DGKI: variants seen among roughly 807,000 people sequenced by gnomAD.
DGKI encodes the protein diacylglycerol kinase iota, also known as DAG kinase iota.
In DGKI, 55 loss-of-function variants were observed where a neutral mutation model predicts 147.5. That is an observed-to-expected ratio of 0.37 (90% CI 0.30 to 0.47). The LOEUF (loss-of-function observed/expected upper bound fraction) is 0.47. DGKI is among the 20% of genes least tolerant of loss of function. The probability of loss-of-function intolerance (pLI) is 1.00; values close to 1 mark genes in which losing one functional copy is unlikely to be tolerated. For missense variants in DGKI, 1,007 were observed against 1,323.8 expected (o/e 0.76, Z 3.71); for synonymous variants, 469 against 477.1 (o/e 0.98, Z 0.22).
At chr7:137,726,697 G>A (rs1293809867) in intron 1 of DGKI, among the ~76,000 whole-genome samples, 1 of 152,150 alleles carries the variant, frequency 6.6e-6, no homozygotes, top group East Asian at 1.9e-4. Context: ...TCATGGAGAC[G>A]TCAGCCAAGA....
intron 11 of DGKI, 98 bp from the exon 12 acceptor site, chr7:137,598,005 C>T (rs990037655): frequency 3.9e-6 from 4 of 1,030,500 alleles, no homozygotes; most frequent in Admixed American, 2.0e-5. Context: ...GGGTGGTGTC[C>T]GCTGGAGAAA....
At position 137,760,965 on chromosome 7, in the gene DGKI, A is replaced by C. The variant is rs188754584; in HGVS notation, c.402-70963T>G. On this transcript the variant is annotated intron_variant, in intron 1 of 32. Transcript: ENST00000614521. ...CCTTAGAGATCTTAATTCAACCAAA[A>C]TTTCCTCTCTTGAATCTTAAACCAA... Among the ~76,000 whole-genome samples, 10 of 151,956 alleles carry C rather than the reference A, an allele frequency of 6.6e-5. No individual in the cohort carries two copies. In the East Asian group the frequency reaches 1.7e-3, roughly 26 times the overall value.
chr7:137,497,237 A>G (rs1030953684), intron 21 of DGKI, among the ~76,000 whole-genome samples: 1 of 152,174 alleles, frequency 6.6e-6, no homozygotes, highest in Non-Finnish European at 1.5e-5. Flanking sequence ...CAAAACCACA[A>G]TGAGATGCCA....
chr7:137,545,913 C>CG (rs770655121), intron 20 of DGKI: 132 of 702,216 alleles, frequency 1.9e-4, no homozygotes, highest in African/African-American at 3.5e-5. Flanking sequence ...GTGAAGGAGC[C>CG]GGGGGGAGCA....
rs77339658 is a variant in DGKI at position 137,499,020 on chromosome 7, A to G, written c.2249-11331T>C. Among the ~76,000 whole-genome samples the G allele has an allele frequency of 3.0e-4, 45 of 152,294 alleles. 2 individuals are homozygous for G. In the South Asian group the frequency reaches 8.9e-3, roughly 30 times the overall value. On this transcript the variant is annotated intron_variant, in intron 21 of 32. Transcript: ENST00000614521. ...GCACTCTCAGAAAAACTGAAGCTCA[A>G]CAATGAACTAGAGACTCTTTTCAGC... is the stretch of plus-strand genomic sequence containing the variant.
intron 1 of DGKI, among the ~76,000 whole-genome samples, chr7:137,778,100 A>T (rs1458573675): frequency 6.6e-6 from 1 of 152,260 alleles, no homozygotes; most frequent in Non-Finnish European, 1.5e-5. Context: ...ATACTAAAAC[A>T]TAACAAAAAC....
rs1293405766 is a variant in DGKI, at chr7:137,385,089, T to G, written c.*6131A>C. ...CTTAGAATATCAAACCACAGCACTT[T>G]TTTATATTGGATGGACAGTAAGACA... On this transcript the variant is annotated 3_prime_UTR_variant, in exon 33 of 33. Coordinates refer to ENST00000614521, the MANE Select transcript of DGKI (RefSeq NM_001321708.2). The G allele has an allele frequency of 6.6e-6, 1 of 152,086 alleles. No homozygotes were observed. The highest frequency in any genetic ancestry group is 1.5e-5 in the Non-Finnish European group (1 of 67,982). The allele number at this position is 152,086 out of a possible 1,614,324, so 9.4% of individuals were successfully genotyped here.
At chr7:137,844,858 G>A (rs1249755461) in intron 1 of DGKI, among the ~76,000 whole-genome samples, 1 of 152,140 alleles carries the variant, frequency 6.6e-6, no homozygotes, top group Non-Finnish European at 1.5e-5. Context: ...ATACCAATAA[G>A]CCAGGAGCAG....
At chr7:137,817,818 C>T (rs759331403) in intron 1 of DGKI, among the ~76,000 whole-genome samples, 170 of 152,312 alleles carry the variant, frequency 1.1e-3, no homozygotes, top group South Asian at 2.1e-3. Context: ...CTTTCTTACC[C>T]GTTCTTACCC....
intron 1 of DGKI, among the ~76,000 whole-genome samples, chr7:137,706,494 T>C (rs939671874): frequency 3.3e-5 from 5 of 150,074 alleles, no homozygotes; most frequent in Non-Finnish European, 5.9e-5. Context: ...TATTTTATTT[T>C]ATTTTATTTT....
At chr7:137,721,184 G>C (rs1482137148) in intron 1 of DGKI, among the ~76,000 whole-genome samples, 1 of 152,186 alleles carries the variant, frequency 6.6e-6, no homozygotes, top group East Asian at 1.9e-4. Context: ...TGTATTCTGT[G>C]TGAATGGCAG....
chr7:137,647,537 C>T (rs1585325461), intron 5 of DGKI, among the ~76,000 whole-genome samples: 1 of 152,164 alleles, frequency 6.6e-6, no homozygotes, highest in South Asian at 2.1e-4. Context: ...TATGTACAAT[C>T]GTAAATATCC....
intron 3 of DGKI, among the ~76,000 whole-genome samples, chr7:137,676,192 T>G (rs535273684): frequency 1.3e-5 from 2 of 152,262 alleles, no homozygotes; most frequent in East Asian, 3.9e-4. Flanking sequence ...TGGCAGCTGA[T>G]GATGAGCCTG....
chr7:137,382,874 A>T lies in DGKI; in HGVS notation c.*8346T>A, dbSNP rs915038844. On this transcript the variant is annotated 3_prime_UTR_variant, in exon 33 of 33. Coordinates refer to ENST00000614521, the MANE Select transcript of DGKI (RefSeq NM_001321708.2). ...TCCTCCCTCACCCAGTCAACCTGAA[A>T]TCTAGGAACTCAAGCTGTATTACAG... The T allele has an allele frequency of 1.3e-5, 2 of 152,032 alleles. No homozygotes were observed. Among genetic ancestry groups the T allele is most frequent in the African/African-American group, 4.8e-5 (2 of 41,424 alleles). The allele number at this position is 152,032 out of a possible 1,614,324, so 9.4% of individuals were successfully genotyped here. A position where few individuals can be genotyped will look rare whatever the true frequency, so the allele number is the denominator to read the frequency against.
intron 10 of DGKI, among the ~76,000 whole-genome samples, chr7:137,605,365 TAAAATAAAATAAAAA>T (rs1314059274): frequency 6.4e-5 from 9 of 141,452 alleles, no homozygotes; most frequent in African/African-American, 1.8e-4. Flanking sequence ...TAAAATAAAA[TAAAATAAAATAAAAA>T]AAGTTGAAAT....
intron 3 of DGKI, among the ~76,000 whole-genome samples, chr7:137,667,944 C>T (rs1451908035): frequency 2.6e-5 from 4 of 152,202 alleles, no homozygotes; most frequent in Non-Finnish European, 5.9e-5. Context: ...ATTACCCACA[C>T]TGTAAACAGA....
intron 20 of DGKI, among the ~76,000 whole-genome samples, chr7:137,546,736 T>C (rs1563078593): frequency 6.6e-6 from 1 of 152,234 alleles, no homozygotes; most frequent in East Asian, 1.9e-4. Flanking sequence ...CTCCACTCTC[T>C]TATTTAAAGA....
At chr7:137,676,940 T>C (rs1184110431) in intron 3 of DGKI, among the ~76,000 whole-genome samples, 1 of 152,188 alleles carries the variant, frequency 6.6e-6, no homozygotes, top group African/African-American at 2.4e-5. Flanking sequence ...CTGTATAAAA[T>C]CATAGTCCAT....
At chr7:137,803,872 C>A (rs559292487) in intron 1 of DGKI, among the ~76,000 whole-genome samples, 6 of 152,220 alleles carry the variant, frequency 3.9e-5, no homozygotes, top group Non-Finnish European at 5.9e-5. Context: ...CAGGTCCCAT[C>A]CCTAACACCC....
Sources: allele counts gnomAD v4.1 joint callset (sites outside exome capture counted in the v4.1 genomes callset), GRCh38; gene constraint gnomAD v4.1.1; transcripts MANE v1.5; gene names NCBI Gene and HGNC (gene_info 2026-07-23, HGNC 2026-07-21).